TLK2: variants seen among roughly 807,000 people sequenced by gnomAD.
TLK2 encodes the protein serine/threonine-protein kinase tousled-like 2.
TLK2 carries 6 observed loss-of-function variants against 117.3 expected under a neutral mutation model. The observed-to-expected ratio is 0.05, with a 90% CI of 0.03 to 0.10. The LOEUF is 0.10. Ranked by LOEUF, TLK2 falls within the 10% of genes least tolerant of loss-of-function variation. The pLI is 1.00. For synonymous variants in TLK2, 257 were observed against 316.7 expected, an observed-to-expected ratio of 0.81 and a Z score of 2.00; for missense variants, 299 against 901.2, an observed-to-expected ratio of 0.33 and a Z score of 8.56.
intron 11 of TLK2, among the ~76,000 whole-genome samples, chr17:62,570,171 G>T (rs912951077): frequency 6.6e-6 from 1 of 152,118 alleles, no homozygotes; most frequent in Non-Finnish European, 1.5e-5. Context: ...TCCAAATAAG[G>T]TCATATCCTG....
chr17:62,607,087 T>C (rs1006489733), intron 20 of TLK2, among the ~76,000 whole-genome samples: 8 of 151,752 alleles, frequency 5.3e-5, no homozygotes, highest in Non-Finnish European at 1.2e-4. Context: ...TTAATTATTA[T>C]TTACATTCCC....
At chr17:62,508,614 T>C in intron 2 of TLK2, 1 of 926,098 alleles carries the variant, frequency 1.1e-6, no homozygotes. Flanking sequence ...TATGAAAGTC[T>C]CAATGAATAA....
In TLK2 at chr17:62,556,816, CAT is replaced by C. The variant is rs146918770; in HGVS notation, c.720+3062_720+3063del. Among the ~76,000 whole-genome samples, 904 of 152,350 alleles carry C rather than the reference CAT, an allele frequency of 5.9e-3. 8 individuals carry two copies. Among genetic ancestry groups the C allele is most frequent in the African/African-American group, 0.02 (836 of 41,578 alleles). ...TCTGATTTCTCTCCTTTATTTCTCA[CAT>C]GTTATGTCTTATTTTAATATGATTG... On this transcript the variant is annotated intron_variant, in intron 9 of 21. Transcript: ENST00000346027.
At chr17:62,564,857 C>A in intron 10 of TLK2, 144 bp from the exon 11 acceptor site, 1 of 986,996 alleles carries the variant, frequency 1.0e-6, no homozygotes, top group Non-Finnish European at 1.4e-6. Context: ...GTTAGTCATC[C>A]GAGGAGTCAT....
In TLK2 at chr17:62,613,861, C is replaced by G. The variant is rs1432349761; in HGVS notation, c.*1296C>G. The stretch of plus-strand genomic sequence containing the variant: ...ATATTTCAGGCCGGGCCTGGTGGTT[C>G]ACGCCTGTAATCCCAGCACTTTGGG... On this transcript the variant is annotated 3_prime_UTR_variant, in exon 22 of 22. Coordinates refer to ENST00000346027, the MANE Select transcript of TLK2 (RefSeq NM_006852.6). 1 of 152,194 alleles carries G rather than the reference C, an allele frequency of 6.6e-6. No homozygotes were observed. Among genetic ancestry groups the G allele is most frequent in the Admixed American group, 6.5e-5 (1 of 15,272 alleles). The allele number at this position is 152,194 out of a possible 1,614,324, so 9.4% of individuals were successfully genotyped here.
chr17:62,552,411 C>T lies in TLK2; in HGVS notation c.627+14C>T, dbSNP rs867639215. On this transcript the variant is annotated intron_variant, in intron 8 of 21. Transcript: ENST00000346027. Reference sequence around the variant, plus strand: ...AGACAGACCCAGGTAGGTTGGTGATCGATAATCAATTGAGGGGCATACCTG... The same window carrying T: ...AGACAGACCCAGGTAGGTTGGTGATTGATAATCAATTGAGGGGCATACCTG... 5.0e-6 allele frequency: 8 copies of T among 1,613,810 alleles called. No individual in the cohort carries two copies. The highest frequency in any genetic ancestry group is 4.4e-5 in the South Asian group (4 of 91,044).
intron 2 of TLK2, among the ~76,000 whole-genome samples, chr17:62,503,894 A>AT (rs113649211): frequency 0.012 from 1,759 of 142,740 alleles, 34 homozygotes; most frequent in African/African-American, 0.041. Context: ...ACCCCAGCTA[A>AT]TTTTTTTTTT....
intron 7 of TLK2, among the ~76,000 whole-genome samples, chr17:62,538,145 C>T (rs1341826702): frequency 6.7e-6 from 1 of 149,192 alleles, no homozygotes; most frequent in African/African-American, 2.5e-5. Context: ...ACGCCATTCT[C>T]CTGCCTCAGC....
At chr17:62,489,172 TAC>T (rs1458351136) in intron 2 of TLK2, among the ~76,000 whole-genome samples, 2 of 93,810 alleles carry the variant, frequency 2.1e-5, no homozygotes. Context: ...TATTTAATTG[TAC>T]GTGTGTGTGT....
At chr17:62,490,495 C>G (rs185156416) in intron 2 of TLK2, among the ~76,000 whole-genome samples, 1 of 152,154 alleles carries the variant, frequency 6.6e-6, no homozygotes, top group Non-Finnish European at 1.5e-5. Flanking sequence ...TCTTCTCTCT[C>G]TATACTCCCA....
chr17:62,538,721 T>C (rs1319688047), intron 7 of TLK2, among the ~76,000 whole-genome samples: 4 of 152,176 alleles, frequency 2.6e-5, no homozygotes, highest in Non-Finnish European at 5.9e-5. Flanking sequence ...AAAATGATCA[T>C]GTATGAAGAA....
chr17:62,578,446 T>C, intron 13 of TLK2, 31 bp from the exon 14 acceptor site: 1 of 1,577,224 alleles, frequency 6.3e-7, no homozygotes, highest in Non-Finnish European at 8.7e-7. Flanking sequence ...GTTCCCCCTA[T>C]TTTGTGCTAT....
intron 1 of TLK2, among the ~76,000 whole-genome samples, chr17:62,473,168 T>C (rs2070974177): frequency 6.6e-6 from 1 of 152,100 alleles, no homozygotes; most frequent in Admixed American, 6.6e-5. Flanking sequence ...TGGCTCCAGG[T>C]TGCAGAGCTC....
chr17:62,472,824 A>C (rs1421809142), intron 1 of TLK2, among the ~76,000 whole-genome samples: 1 of 152,086 alleles, frequency 6.6e-6, no homozygotes, highest in East Asian at 1.9e-4. Context: ...TAGGGAAAGT[A>C]CAACTCCCCT....
At chr17:62,501,296 A>G (rs2074174590) in intron 2 of TLK2, among the ~76,000 whole-genome samples, 1 of 152,204 alleles carries the variant, frequency 6.6e-6, no homozygotes, top group Non-Finnish European at 1.5e-5. Context: ...GTATATCAAA[A>G]TTTGTGGGAT....
intron 16 of TLK2, among the ~76,000 whole-genome samples, chr17:62,594,789 T>C (rs2082336196): frequency 6.9e-6 from 1 of 145,516 alleles, no homozygotes; most frequent in African/African-American, 2.6e-5. Flanking sequence ...GCAGGGCGGG[T>C]ACACACACAC....
rs12452436 is a variant in TLK2, at chr17:62,574,053, A to G, written c.1121+686A>G. 3.9e-3 allele frequency among the ~76,000 whole-genome samples: 600 copies of G among 152,318 alleles called. 13 individuals are homozygous for G. The highest frequency in any genetic ancestry group is 0.029 in the Admixed American group (441 of 15,290). Reference sequence around the variant, plus strand: ...TTCTGTTTAACTGAAAGTAAGTTTCAAGTCCAAAGATAGCTGCAGATAAAA... The same window carrying G: ...TTCTGTTTAACTGAAAGTAAGTTTCGAGTCCAAAGATAGCTGCAGATAAAA... On this transcript the variant is annotated intron_variant, in intron 12 of 21. Transcript: ENST00000346027.
chr17:62,609,281 G>A (rs977632527), intron 21 of TLK2, among the ~76,000 whole-genome samples: 3 of 152,122 alleles, frequency 2.0e-5, no homozygotes, highest in East Asian at 1.9e-4. Flanking sequence ...AAGGGGTTTC[G>A]CCGTGTTGCC....
intron 11 of TLK2, among the ~76,000 whole-genome samples, chr17:62,569,050 A>G (rs1471955971): frequency 6.6e-6 from 1 of 151,690 alleles, no homozygotes; most frequent in Admixed American, 6.6e-5. Flanking sequence ...CATGCCTGTA[A>G]TCCCAGCAGT....
Sources: gnomAD v4.1 joint callset for allele counts (sites outside exome capture counted in the v4.1 genomes callset) on GRCh38, gnomAD v4.1.1 for gene constraint, MANE v1.5 for transcripts, NCBI Gene and HGNC (gene_info 2026-07-23, HGNC 2026-07-21) for gene names.